Variants in GABRA2 observed in about 807,000 individuals in gnomAD.
The protein encoded by GABRA2 is gamma-aminobutyric acid receptor subunit alpha-2.
GABRA2 carries 16 observed loss-of-function variants against 48.7 expected under a neutral mutation model. The observed-to-expected ratio is 0.33, with a 90% CI of 0.22 to 0.50. GABRA2 has a LOEUF of 0.50. GABRA2 is among the 20% of genes least tolerant of loss of function. The pLI, the probability that GABRA2 is intolerant of heterozygous loss-of-function variation, is 0.98. For missense variants in GABRA2, 275 were observed against 535.6 expected, an observed-to-expected ratio of 0.51 and a Z score of 4.80; for synonymous variants, 185 against 184.5, an observed-to-expected ratio of 1.00 and a Z score of -0.02.
At chr4:46,329,565 C>A (rs1730985285) in intron 4 of GABRA2, among the ~76,000 whole-genome samples, 1 of 152,094 alleles carries the variant, frequency 6.6e-6, no homozygotes. Flanking sequence ...GGTGTTCTTT[C>A]CAGTCTTCAG....
chr4:46,245,374 G>C lies in GABRA2; in HGVS notation c.*4934C>G, dbSNP rs1372398572. 1.3e-5 allele frequency among the ~76,000 whole-genome samples: 2 copies of C among 151,144 alleles called. No individual in the cohort carries two copies. Among genetic ancestry groups the C allele is most frequent in the Non-Finnish European group, 3.0e-5 (2 of 67,402 alleles). ...TCCGTTGAGAAACCTGGCATTCAAA[G>C]ATGTTTCTATTCTATCTCATGAAGC... On this transcript the variant is annotated 3_prime_UTR_variant, in exon 10 of 10. Transcript: ENST00000381620.
intron 4 of GABRA2, among the ~76,000 whole-genome samples, chr4:46,322,372 C>T (rs1729604023): frequency 6.6e-6 from 1 of 151,878 alleles, no homozygotes; most frequent in African/African-American, 2.4e-5. Flanking sequence ...AGTAAAAACA[C>T]TCTCACAGCC....
intron 1 of GABRA2, 77 bp downstream of exon 1, chr4:46,389,658 G>A (rs1717958804): frequency 2.4e-6 from 2 of 826,790 alleles, no homozygotes; most frequent in African/African-American, 1.8e-5. Flanking sequence ...AAGTGGGGTG[G>A]GGGGAGATGA....
chr4:46,320,736 A>T (rs1729308499), intron 4 of GABRA2, among the ~76,000 whole-genome samples: 1 of 151,888 alleles, frequency 6.6e-6, no homozygotes, highest in South Asian at 2.1e-4. Flanking sequence ...TATCAAAAAG[A>T]CAAGAGATAA....
At chr4:46,359,237 T>C (rs1339861472) in intron 3 of GABRA2, among the ~76,000 whole-genome samples, 2 of 152,290 alleles carry the variant, frequency 1.3e-5, no homozygotes, top group Middle Eastern at 3.4e-3. Context: ...TAAATCATTA[T>C]GGGACCTAAC....
chr4:46,318,333 TAGATATATAGATAC>T (rs1229947192), intron 4 of GABRA2, among the ~76,000 whole-genome samples: 1 of 151,228 alleles, frequency 6.6e-6, no homozygotes, highest in Non-Finnish European at 1.5e-5. Flanking sequence ...AATATAGGTA[TAGATATATAGATAC>T]ATAAACAAAT....
chr4:46,341,457 T>C (rs747657825), intron 3 of GABRA2, among the ~76,000 whole-genome samples: 13 of 152,090 alleles, frequency 8.5e-5, no homozygotes, highest in Non-Finnish European at 1.9e-4. Flanking sequence ...ATTTTTTGTT[T>C]AGTGACTTTA....
rs1031604343 is a variant in GABRA2 at position 46,244,679 on chromosome 4, T to A, written c.*5629A>T. ...ACATCTCTCCAACCACTAATAAAAC[T>A]GGCAAAATTAGAAAAAAAAGGAAAT... On this transcript the variant is annotated 3_prime_UTR_variant, in exon 10 of 10. Transcript: ENST00000381620. 1.3e-5 allele frequency among the ~76,000 whole-genome samples: 2 copies of A among 151,292 alleles called. No individual in the cohort carries two copies. The highest frequency in any genetic ancestry group is 3.0e-5 in the Non-Finnish European group (2 of 67,550).
Position 46,378,846 on chromosome 4 carries a change from G to A in GABRA2, c.187+7228C>T, listed in dbSNP as rs182786619. ...CTGCCTCAAAAAAAAAAAAAAGTAGGCAATATTTTCTGGGCCATGCACTTT... is the reference window on the plus strand; with the variant it reads ...CTGCCTCAAAAAAAAAAAAAAGTAGACAATATTTTCTGGGCCATGCACTTT... On this transcript the variant is annotated intron_variant, in intron 3 of 9. Transcript: ENST00000381620. 2.0e-5 allele frequency among the ~76,000 whole-genome samples: 3 copies of A among 151,494 alleles called. No homozygotes were observed. In the East Asian group the frequency reaches 5.8e-4, roughly 30 times the overall value.
In GABRA2 at chr4:46,247,926, C is replaced by T. The variant is rs1714015349; in HGVS notation, c.*2382G>A. Among the ~76,000 whole-genome samples, 1 of 151,148 alleles carries T rather than the reference C, an allele frequency of 6.6e-6. No individual in the cohort carries two copies. The highest frequency in any genetic ancestry group is 1.5e-5 in the Non-Finnish European group (1 of 67,438). ...TAACAAAGAATTCTGATCCCTAGCACTGAAAAATCTGAACTGCCAGAATGT... is the reference window on the plus strand; with the variant it reads ...TAACAAAGAATTCTGATCCCTAGCATTGAAAAATCTGAACTGCCAGAATGT... On this transcript the variant is annotated 3_prime_UTR_variant, in exon 10 of 10. Transcript: ENST00000381620.
chr4:46,297,069 T>C (rs751929902), intron 8 of GABRA2, among the ~76,000 whole-genome samples: 3 of 152,132 alleles, frequency 2.0e-5, no homozygotes, highest in African/African-American at 4.8e-5. Flanking sequence ...TTGCATCAAG[T>C]TGACAAACGG....
chr4:46,295,826 G>A (rs191413354), intron 8 of GABRA2, among the ~76,000 whole-genome samples: 10 of 152,264 alleles, frequency 6.6e-5, no homozygotes, highest in South Asian at 2.1e-4. Context: ...CACTTATGCC[G>A]GATATGGGTT....
chr4:46,347,579 T>C (rs1307590258), intron 3 of GABRA2, among the ~76,000 whole-genome samples: 1 of 151,936 alleles, frequency 6.6e-6, no homozygotes, highest in East Asian at 1.9e-4. Flanking sequence ...TTATCCCTGA[T>C]ACAAGAATCC....
At chr4:46,386,041 A>G (rs370310540) in intron 3 of GABRA2, 33 bp downstream of exon 3, 90 of 1,312,612 alleles carry the variant, frequency 6.9e-5, no homozygotes, top group Non-Finnish European at 9.7e-5. Context: ...GCATTATTTT[A>G]CGAGAGTTTT....
Position 46,389,839 on chromosome 4 carries a change from GA to G in GABRA2, c.-116del. 1.0e-6 allele frequency: 1 copy of G among 976,984 alleles called. No homozygotes were observed. Among genetic ancestry groups the G allele is most frequent in the African/African-American group, 1.8e-5 (1 of 54,752 alleles). The allele number at this position is 976,984 out of a possible 1,614,324, so 60.5% of individuals were successfully genotyped here. A position where few individuals can be genotyped will look rare whatever the true frequency, so the allele number is the denominator to read the frequency against. On this transcript the variant is annotated 5_prime_UTR_variant, in exon 1 of 10. Transcript: ENST00000381620. ...AGAGAGAGAGAGAGAGAGAGAGAGA[GA>G]GAGAGAGAGAGAGAGAGAGAGACCG...
intron 8 of GABRA2, 27 bp downstream of exon 8, chr4:46,303,433 T>C (rs748553356): frequency 2.5e-6 from 4 of 1,591,656 alleles, no homozygotes; most frequent in Non-Finnish European, 3.4e-6. Context: ...CATAATGTGC[T>C]GTACTGCAAA....
intron 9 of GABRA2, among the ~76,000 whole-genome samples, chr4:46,254,313 A>T (rs1331217639): frequency 6.6e-6 from 1 of 151,560 alleles, no homozygotes; most frequent in African/African-American, 2.4e-5. Flanking sequence ...CTTTTAGCTT[A>T]CACTCAGAAC....
intron 8 of GABRA2, among the ~76,000 whole-genome samples, chr4:46,299,433 T>C (rs1725339987): frequency 6.6e-6 from 1 of 151,908 alleles, no homozygotes; most frequent in South Asian, 2.1e-4. Flanking sequence ...TTACACAACT[T>C]GGTTGCAATT....
chr4:46,264,876 T>A (rs185406882), intron 8 of GABRA2, among the ~76,000 whole-genome samples: 3,687 of 151,572 alleles, frequency 0.024, 82 homozygotes, highest in Admixed American at 0.039. Flanking sequence ...AAAGGTTTAC[T>A]CAGAATCTTG....
Sources: gnomAD v4.1 joint callset for allele counts (sites outside exome capture counted in the v4.1 genomes callset) on GRCh38, gnomAD v4.1.1 for gene constraint, MANE v1.5 for transcripts, NCBI Gene and HGNC (gene_info 2026-07-23, HGNC 2026-07-21) for gene names.